RORB: variants seen among roughly 807,000 people sequenced by gnomAD.
RORB encodes the protein nuclear receptor ROR-beta.
RORB carries 6 observed loss-of-function variants against 59.1 expected under a neutral mutation model. The observed-to-expected ratio is 0.10, with a 90% CI of 0.06 to 0.20. The LOEUF (loss-of-function observed/expected upper bound fraction) is 0.20. Among genes scored for constraint, RORB ranks in the 10% least tolerant of loss-of-function variants. The pLI is 1.00. For missense variants in RORB, 320 were observed against 560.5 expected (o/e 0.57, Z 4.33); for synonymous variants, 215 against 204.5 (o/e 1.05, Z -0.44).
chr9:74,537,645 T>C (rs1284457009), intron 1 of RORB, among the ~76,000 whole-genome samples: 1 of 152,106 alleles, frequency 6.6e-6, no homozygotes, highest in East Asian at 1.9e-4. Flanking sequence ...GCATGCCATT[T>C]GAAGTTTTAA....
intron 3 of RORB, among the ~76,000 whole-genome samples, chr9:74,635,976 A>G (rs1050083378): frequency 1.3e-5 from 2 of 148,232 alleles, no homozygotes; most frequent in Non-Finnish European, 3.0e-5. Flanking sequence ...AAAAAAACAG[A>G]ATCTGACCTG....
At chr9:74,618,312 T>TTAAA (rs10689823) in intron 1 of RORB, among the ~76,000 whole-genome samples, 116,716 of 151,536 alleles carry the variant, frequency 0.77, 45,751 homozygotes, top group East Asian at 0.93. Flanking sequence ...TATGAACCAG[T>TTAAA]TAAAGTTACT....
Position 74,687,698 on chromosome 9 carries a change from C to T in RORB, c.*2080C>T, listed in dbSNP as rs1421793358. The T allele has an allele frequency of 6.6e-6, 1 of 152,162 alleles. No homozygotes were observed. The highest frequency in any genetic ancestry group is 1.5e-5 in the Non-Finnish European group (1 of 68,028). 9.4% of individuals were successfully genotyped at this position (152,162 alleles called of 1,614,324 possible). On this transcript the variant is annotated 3_prime_UTR_variant, in exon 10 of 10. Coordinates refer to ENST00000376896, the MANE Select transcript of RORB (RefSeq NM_006914.4). ...ATTCTTTTTGGTGTAAATGTCACTCCTGCTAGCTCTTTGTATAAAGAATTA... is the reference window on the plus strand; with the variant it reads ...ATTCTTTTTGGTGTAAATGTCACTCTTGCTAGCTCTTTGTATAAAGAATTA...
chr9:74,530,394 G>A (rs1826218939), intron 1 of RORB, among the ~76,000 whole-genome samples: 1 of 152,008 alleles, frequency 6.6e-6, no homozygotes, highest in Admixed American at 6.6e-5. Context: ...GGATGCTGCT[G>A]TGAAAACTTC....
intron 4 of RORB, among the ~76,000 whole-genome samples, chr9:74,655,332 T>A (rs973876015): frequency 6.6e-6 from 1 of 152,180 alleles, no homozygotes; most frequent in Admixed American, 6.5e-5. Flanking sequence ...CAGTTAGTTA[T>A]CTGGGCAATA....
intron 9 of RORB, among the ~76,000 whole-genome samples, chr9:74,683,253 C>A (rs1824577070): frequency 6.6e-6 from 1 of 152,042 alleles, no homozygotes; most frequent in East Asian, 1.9e-4. Flanking sequence ...TTACAATGTG[C>A]AAGAACTGTT....
chr9:74,679,778 T>C (rs558569870), intron 9 of RORB, among the ~76,000 whole-genome samples: 111 of 152,224 alleles, frequency 7.3e-4, no homozygotes, highest in Non-Finnish European at 1.1e-3. Flanking sequence ...GAAGAAAGGT[T>C]TTGATATTAC....
intron 1 of RORB, among the ~76,000 whole-genome samples, chr9:74,594,807 G>A (rs1469219329): frequency 6.6e-6 from 1 of 152,118 alleles, no homozygotes; most frequent in Admixed American, 6.5e-5. Flanking sequence ...AAGAGAAAAA[G>A]GAAGGAAAGA....
intron 1 of RORB, among the ~76,000 whole-genome samples, chr9:74,617,592 C>G (rs1823334212): frequency 6.6e-6 from 1 of 152,122 alleles, no homozygotes; most frequent in Non-Finnish European, 1.5e-5. Flanking sequence ...TGTGCAGTAT[C>G]AGCAGAACAG....
At chr9:74,511,438 T>A (rs1825938040) in intron 1 of RORB, among the ~76,000 whole-genome samples, 1 of 151,890 alleles carries the variant, frequency 6.6e-6, no homozygotes, top group African/African-American at 2.4e-5. Flanking sequence ...TTCTTCTTCT[T>A]TTTTTTTCTC....
intron 1 of RORB, among the ~76,000 whole-genome samples, chr9:74,577,948 A>C (rs1176556910): frequency 2.0e-5 from 3 of 152,090 alleles, no homozygotes; most frequent in Non-Finnish European, 4.4e-5. Flanking sequence ...AAAGAATCCT[A>C]AGTATTAGCA....
intron 2 of RORB, 102 bp downstream of exon 2, chr9:74,630,469 C>A: frequency 1.5e-6 from 1 of 648,146 alleles, no homozygotes; most frequent in Non-Finnish European, 2.5e-6. Flanking sequence ...CTAAAGGATC[C>A]TTCTGCCTGC....
chr9:74,678,453 A>G (rs951487253), intron 9 of RORB, among the ~76,000 whole-genome samples: 3 of 152,228 alleles, frequency 2.0e-5, no homozygotes, highest in Non-Finnish European at 4.4e-5. Flanking sequence ...AGAGAGAAGC[A>G]TGTCTTTCTA....
intron 1 of RORB, among the ~76,000 whole-genome samples, chr9:74,607,619 C>T (rs1823168667): frequency 6.6e-6 from 1 of 151,736 alleles, no homozygotes; most frequent in South Asian, 2.1e-4. Flanking sequence ...TACACACACA[C>T]ATAAGTGTAT....
chr9:74,658,175 T>G (rs1409080938), intron 4 of RORB, among the ~76,000 whole-genome samples: 1 of 152,046 alleles, frequency 6.6e-6, no homozygotes, highest in Non-Finnish European at 1.5e-5. Context: ...CTCATAATCT[T>G]AAAGGGTGTG....
intron 1 of RORB, among the ~76,000 whole-genome samples, chr9:74,588,785 T>C (rs1362022965): frequency 6.6e-6 from 1 of 152,236 alleles, no homozygotes; most frequent in Non-Finnish European, 1.5e-5. Context: ...ATGTATTACC[T>C]TTTTGTATGG....
At chr9:74,518,172 A>G (rs1471409245) in intron 1 of RORB, among the ~76,000 whole-genome samples, 4 of 151,972 alleles carry the variant, frequency 2.6e-5, no homozygotes, top group Non-Finnish European at 5.9e-5. Context: ...TACTCTAGTC[A>G]AGCCAACGCT....
intron 1 of RORB, among the ~76,000 whole-genome samples, chr9:74,556,875 A>G (rs1822299897): frequency 6.6e-6 from 1 of 152,102 alleles, no homozygotes; most frequent in South Asian, 2.1e-4. Context: ...GAAACCCAGA[A>G]ATTTTGTGGC....
At chr9:74,530,575 G>A (rs1826223051) in intron 1 of RORB, among the ~76,000 whole-genome samples, 1 of 151,900 alleles carries the variant, frequency 6.6e-6, no homozygotes, top group African/African-American at 2.4e-5. Context: ...AACACCTACG[G>A]CTTGTGGTTT....
Sources: gnomAD v4.1 joint callset for allele counts (sites outside exome capture counted in the v4.1 genomes callset) on GRCh38, gnomAD v4.1.1 for gene constraint, MANE v1.5 for transcripts, NCBI Gene and HGNC (gene_info 2026-07-23, HGNC 2026-07-21) for gene names.